PDE4D: variants seen among roughly 807,000 people sequenced by gnomAD.
PDE4D encodes the protein 3',5'-cyclic-AMP phosphodiesterase 4D.
In PDE4D, 24 loss-of-function variants were observed where a neutral mutation model predicts 87.4. That is an observed-to-expected ratio of 0.27 (90% CI 0.20 to 0.39). The LOEUF is 0.39. Ranked by LOEUF, PDE4D falls within the 10% of genes least tolerant of loss-of-function variation. The probability of loss-of-function intolerance (pLI) is 1.00; values close to 1 mark genes in which losing one functional copy is unlikely to be tolerated. For missense variants in PDE4D, 714 were observed against 1,041.0 expected (o/e 0.69, Z 4.32); for synonymous variants, 384 against 383.2 (o/e 1.00, Z -0.02).
chr5:60,217,705 CAAAA>C (rs1368185603), intron 1 of PDE4D, among the ~76,000 whole-genome samples: 1 of 150,164 alleles, frequency 6.7e-6, no homozygotes, highest in African/African-American at 2.4e-5. Flanking sequence ...AAATCAAAAA[CAAAA>C]AAAGACAATT....
intron 5 of PDE4D, among the ~76,000 whole-genome samples, chr5:59,066,098 T>C (rs1030755312): frequency 1.3e-5 from 2 of 152,180 alleles, no homozygotes; most frequent in Non-Finnish European, 2.9e-5. Flanking sequence ...TATCAATTCA[T>C]TGATTCATTG....
chr5:60,164,886 G>A (rs765021489), intron 2 of PDE4D, among the ~76,000 whole-genome samples: 1 of 152,048 alleles, frequency 6.6e-6, no homozygotes, highest in Non-Finnish European at 1.5e-5. Context: ...CATAGTTATC[G>A]CTTTGTGGGA....
chr5:59,806,567 T>C (rs761190846), intron 1 of PDE4D, among the ~76,000 whole-genome samples: 2 of 152,202 alleles, frequency 1.3e-5, no homozygotes, highest in East Asian at 1.9e-4. Flanking sequence ...AGGTGTGAAA[T>C]TTTACAGAAA....
chr5:59,627,080 C>T (rs1265456430), intron 1 of PDE4D, among the ~76,000 whole-genome samples: 2 of 152,126 alleles, frequency 1.3e-5, no homozygotes, highest in South Asian at 4.1e-4. Context: ...AATGAAGGGT[C>T]TACTCTACAA....
chr5:59,496,557 C>A (rs1807238098), intron 1 of PDE4D, among the ~76,000 whole-genome samples: 1 of 152,124 alleles, frequency 6.6e-6, no homozygotes, highest in African/African-American at 2.4e-5. Context: ...CCCACCAGCT[C>A]TGAAAAGTGG....
At chr5:59,876,954 A>G (rs1748690627) in intron 1 of PDE4D, among the ~76,000 whole-genome samples, 1 of 152,230 alleles carries the variant, frequency 6.6e-6, no homozygotes, top group Admixed American at 6.5e-5. Context: ...TAATGGTATT[A>G]TGAAAACAAA....
At chr5:59,452,123 C>A (rs1799258100) in intron 1 of PDE4D, among the ~76,000 whole-genome samples, 1 of 151,998 alleles carries the variant, frequency 6.6e-6, no homozygotes, top group Non-Finnish European at 1.5e-5. Flanking sequence ...TAGCCCAAGA[C>A]AATTCTTCCA....
intron 1 of PDE4D, among the ~76,000 whole-genome samples, chr5:60,236,072 C>A (rs1244963046): frequency 6.6e-6 from 1 of 151,822 alleles, no homozygotes; most frequent in African/African-American, 2.4e-5. Flanking sequence ...TAAATCTCAA[C>A]TTGCACCTCA....
chr5:60,469,528 C>T (rs1253231460), intron 1 of PDE4D, among the ~76,000 whole-genome samples: 6 of 152,316 alleles, frequency 3.9e-5, no homozygotes, highest in Middle Eastern at 3.4e-3. Context: ...TTGCACTTTG[C>T]GGATACTGTG....
chr5:59,259,410 CTA>C (rs1033828815), intron 1 of PDE4D, among the ~76,000 whole-genome samples: 21 of 152,006 alleles, frequency 1.4e-4, no homozygotes, highest in African/African-American at 4.3e-4. Flanking sequence ...TAGCTCAGCT[CTA>C]TGTTTTCCTA....
chr5:60,174,529 C>A (rs143620785), intron 2 of PDE4D, among the ~76,000 whole-genome samples: 33 of 152,104 alleles, frequency 2.2e-4, no homozygotes, highest in African/African-American at 5.1e-4. Flanking sequence ...GAAGAAACAG[C>A]TTTACCCTCT....
intron 1 of PDE4D, among the ~76,000 whole-genome samples, chr5:60,379,213 C>T (rs1583576496): frequency 6.6e-6 from 1 of 150,992 alleles, no homozygotes; most frequent in East Asian, 1.9e-4. Flanking sequence ...AACATTAAAA[C>T]CAATCAACCA....
chr5:59,791,072 C>T (rs1485799473), intron 1 of PDE4D, among the ~76,000 whole-genome samples: 1 of 152,190 alleles, frequency 6.6e-6, no homozygotes, highest in Non-Finnish European at 1.5e-5. Context: ...GACTCAGAGT[C>T]CTGACAGTAC....
chr5:59,179,222 T>G (rs1427196908), intron 5 of PDE4D, among the ~76,000 whole-genome samples: 2 of 152,180 alleles, frequency 1.3e-5, no homozygotes, highest in East Asian at 3.9e-4. Flanking sequence ...TTCTCCTGCC[T>G]CAGATTCCCG....
intron 1 of PDE4D, among the ~76,000 whole-genome samples, chr5:59,300,827 T>A (rs1770089680): frequency 6.6e-6 from 1 of 152,182 alleles, no homozygotes; most frequent in South Asian, 2.1e-4. Context: ...AGTGTGGGCC[T>A]CTGGAGCTTC....
In PDE4D at chr5:58,975,786, G is replaced by C; in HGVS notation, c.1884C>G (p.Leu628=). 1.2e-6 allele frequency: 2 copies of C among 1,610,848 alleles called. No homozygotes were observed. Among genetic ancestry groups the C allele is most frequent in the Non-Finnish European group, 1.7e-6 (2 of 1,178,328 alleles). The change falls in exon 14 of 15, where the codon CTC becomes CTG. Residue 628 remains leucine (L), a synonymous_variant. Transcript: ENST00000340635. This position sits in a 1 kb window ranked among gnomAD's most constrained non-coding sequence, Gnocchi z 4.2. ...CADLSNPTKP[L]QLYRQWTDRI... ...GGTCCGTCCACTGGCGGTACAGCTGGAGAGGCTTTGTTGGGTTGCTCAGAT... is the reference window on the plus strand; with the variant it reads ...GGTCCGTCCACTGGCGGTACAGCTGCAGAGGCTTTGTTGGGTTGCTCAGAT...
chr5:59,986,185 G>T (rs1026456804), intron 3 of PDE4D, among the ~76,000 whole-genome samples: 1 of 152,200 alleles, frequency 6.6e-6, no homozygotes. Context: ...CTGCTGAGTA[G>T]CTGGGACCAC....
At chr5:59,543,310 T>C (rs993788438) in intron 1 of PDE4D, among the ~76,000 whole-genome samples, 4 of 152,208 alleles carry the variant, frequency 2.6e-5, no homozygotes, top group Admixed American at 2.6e-4. Flanking sequence ...AGGTTCATGA[T>C]AATTATTAAA....
intron 2 of PDE4D, among the ~76,000 whole-genome samples, chr5:60,041,486 A>C (rs1768471469): frequency 6.6e-6 from 1 of 152,224 alleles, no homozygotes; most frequent in African/African-American, 2.4e-5. Context: ...ATTTGAAAAT[A>C]AGTGAATTAC....
Sources: allele counts gnomAD v4.1 joint callset (sites outside exome capture counted in the v4.1 genomes callset), GRCh38; gene constraint gnomAD v4.1.1; non-coding constraint Gnocchi (gnomAD v3.1); transcripts MANE v1.5; gene names NCBI Gene and HGNC (gene_info 2026-07-23, HGNC 2026-07-21).